ART3: variants seen among roughly 807,000 people sequenced by gnomAD.
ART3 encodes ADP-ribosyltransferase 3 (inactive).
A neutral mutation model predicts 48.5 loss-of-function variants in ART3; 49 were observed. The ratio of observed to expected loss-of-function variants is 1.01; its 90% CI spans 0.80 to 1.28. The LOEUF is 1.28. ART3 is among the 50% of genes most tolerant of loss of function. The pLI is 0.00. For synonymous variants in ART3, 145 were observed against 157.2 expected, an observed-to-expected ratio of 0.92 and a Z score of 0.58; for missense variants, 438 against 454.3, an observed-to-expected ratio of 0.96 and a Z score of 0.33.
chr4:76,023,381 A>C (rs1733066706), intron 1 of ART3: 1 of 1,613,130 alleles, frequency 6.2e-7, no homozygotes, highest in Non-Finnish European at 8.5e-7. Context: ...CTTGAATGCC[A>C]CTTAGAGTCA....
intron 1 of ART3, among the ~76,000 whole-genome samples, chr4:76,045,785 G>GA (rs1735447494): frequency 6.6e-6 from 1 of 151,958 alleles, no homozygotes; most frequent in Admixed American, 6.6e-5. Context: ...GAGGGGCCTG[G>GA]CTATCTTGCT....
Position 76,082,273 on chromosome 4 carries a change from A to T in ART3, c.519A>T (p.Gly173=). ...RTSQGTSFTF[G]GLNQARFGHF... ...GCCAGGGCACTTCATTTACATTTGG[A>T]GGGCTAAACCAAGCCAGGTTTGGCC... Residue 173 remains glycine, a synonymous_variant, in exon 3 of 12, where the codon GGA becomes GGT. Transcript: ENST00000355810. 1 of 1,614,210 alleles carries T rather than the reference A, an allele frequency of 6.2e-7. No individual in the cohort carries two copies. Among genetic ancestry groups the T allele is most frequent in the Non-Finnish European group, 8.5e-7 (1 of 1,180,032 alleles).
intron 1 of ART3, among the ~76,000 whole-genome samples, chr4:76,050,254 C>G (rs1256752185): frequency 6.6e-6 from 1 of 152,126 alleles, no homozygotes; most frequent in Non-Finnish European, 1.5e-5. Flanking sequence ...TGGCCCCACC[C>G]ACGTCCTGCT....
At chr4:76,036,147 T>A in intron 1 of ART3, 1 of 618,840 alleles carries the variant, frequency 1.6e-6, no homozygotes, top group Non-Finnish European at 2.8e-6. Context: ...GGAATTTCCC[T>A]CTTTGAGTCA....
chr4:76,110,217 T>C (rs4241586), intron 11 of ART3, among the ~76,000 whole-genome samples: 29,986 of 152,016 alleles, frequency 0.2, 3,093 homozygotes, highest in East Asian at 0.42. Flanking sequence ...AAAATATTTG[T>C]GGGAAAAAAT....
At chr4:76,077,027 A>G (rs1355544653) in intron 2 of ART3, among the ~76,000 whole-genome samples, 2 of 152,112 alleles carry the variant, frequency 1.3e-5, no homozygotes, top group Admixed American at 6.5e-5. Flanking sequence ...TTTTATTGAA[A>G]TATAATTTAC....
chr4:76,047,610 T>G lies in ART3; in HGVS notation c.-9-28271T>G, dbSNP rs140860708. Among the ~76,000 whole-genome samples, 723 of 151,954 alleles carry G rather than the reference T, an allele frequency of 4.8e-3. 3 individuals carry two copies. The highest frequency in any genetic ancestry group is 0.015 in the African/African-American group (610 of 41,502). The stretch of plus-strand genomic sequence containing the variant: ...CTCCTTAGTCCTTCTAGAACACAGG[T>G]CAACAGATGTTTACGACTCCAGTCC... On this transcript the variant is annotated intron_variant, in intron 1 of 9. Transcript: ENST00000341029.
intron 1 of ART3, among the ~76,000 whole-genome samples, chr4:76,075,026 T>C (rs1345700390): frequency 6.6e-6 from 1 of 152,180 alleles, no homozygotes; most frequent in Non-Finnish European, 1.5e-5. Flanking sequence ...CAAAACTGCT[T>C]CTGAAGAAAT....
At chr4:76,029,149 C>G (rs1336578362) in intron 1 of ART3, among the ~76,000 whole-genome samples, 1 of 152,034 alleles carries the variant, frequency 6.6e-6, no homozygotes, top group Non-Finnish European at 1.5e-5. Context: ...CATTGGTTGT[C>G]TTTTCTTTTG....
chr4:76,059,484 TAA>T (rs1040013817), intron 1 of ART3, among the ~76,000 whole-genome samples: 1 of 152,096 alleles, frequency 6.6e-6, no homozygotes, highest in Non-Finnish European at 1.5e-5. Context: ...AATTTATTTT[TAA>T]AAGTTTATTT....
upstream of ART3, among the ~76,000 whole-genome samples, chr4:76,072,241 CT>C (rs974732440): frequency 9.2e-5 from 14 of 152,296 alleles, no homozygotes; most frequent in African/African-American, 3.4e-4. Context: ...TTTCCATTTA[CT>C]TTTTTGTGAG....
chr4:76,044,431 G>T (rs1735294383), intron 1 of ART3, among the ~76,000 whole-genome samples: 1 of 152,054 alleles, frequency 6.6e-6, no homozygotes, highest in Non-Finnish European at 1.5e-5. Context: ...AGTAAGAATA[G>T]ATTTCGTTAT....
At chr4:76,092,595 T>C (rs1725144940) in intron 3 of ART3, among the ~76,000 whole-genome samples, 1 of 152,218 alleles carries the variant, frequency 6.6e-6, no homozygotes, top group Admixed American at 6.5e-5. Context: ...ACCAATTTGA[T>C]TATGATGTAA....
At chr4:76,041,752 T>C (rs1033228262) in intron 1 of ART3, among the ~76,000 whole-genome samples, 2 of 152,214 alleles carry the variant, frequency 1.3e-5, no homozygotes, top group Non-Finnish European at 2.9e-5. Flanking sequence ...GGCTACCATA[T>C]TGGACAGTGA....
At chr4:76,065,679 C>T (rs756408868) in intron 1 of ART3, among the ~76,000 whole-genome samples, 1 of 150,928 alleles carries the variant, frequency 6.6e-6, no homozygotes, top group Non-Finnish European at 1.5e-5. Flanking sequence ...GCCTAGAGGC[C>T]TAAAATCTAC....
chr4:76,030,961 C>T (rs1446871648), intron 1 of ART3, among the ~76,000 whole-genome samples: 1 of 151,998 alleles, frequency 6.6e-6, no homozygotes, highest in East Asian at 1.9e-4. Context: ...GTTTAAAGAG[C>T]TGTTTCAGTT....
chr4:76,065,602 A>G (rs1022152617), intron 1 of ART3, among the ~76,000 whole-genome samples: 1 of 147,816 alleles, frequency 6.8e-6, no homozygotes, highest in Admixed American at 6.9e-5. Context: ...TACCATAGAG[A>G]CTCCTTGTCC....
chr4:76,085,621 A>G (rs1449737863), intron 3 of ART3, among the ~76,000 whole-genome samples: 1 of 152,314 alleles, frequency 6.6e-6, no homozygotes, highest in South Asian at 2.1e-4. Context: ...AAAAGTGTTT[A>G]TAAAAAGATA....
intron 3 of ART3, among the ~76,000 whole-genome samples, chr4:76,086,495 A>G (rs1723603718): frequency 6.6e-6 from 1 of 152,194 alleles, no homozygotes; most frequent in Admixed American, 6.5e-5. Flanking sequence ...AGATCAAAGG[A>G]TACCAAATAG....
Sources: allele counts gnomAD v4.1 joint callset (sites outside exome capture counted in the v4.1 genomes callset), GRCh38; gene constraint gnomAD v4.1.1; transcripts MANE v1.5; gene names NCBI Gene and HGNC (gene_info 2026-07-23, HGNC 2026-07-21).